GALNT17: variants seen among roughly 807,000 people sequenced by gnomAD.
GALNT17 encodes the protein UDP-GalNAc:polypeptide N-acetylgalactosaminyltransferase-like 3.
In GALNT17, 29 loss-of-function variants were observed where a neutral mutation model predicts 63.7. The observed-to-expected ratio is 0.46, with a 90% CI of 0.34 to 0.62. The LOEUF (loss-of-function observed/expected upper bound fraction) is 0.62. Ranked by LOEUF, GALNT17 falls within the 20% of genes least tolerant of loss-of-function variation. GALNT17 has a pLI of 0.01. For synonymous variants in GALNT17, 305 were observed against 318.3 expected (o/e 0.96, Z 0.45); for missense variants, 603 against 799.6 (o/e 0.75, Z 2.97).
chr7:71,205,082 C>T (rs926430619), intron 1 of GALNT17, among the ~76,000 whole-genome samples: 2 of 151,034 alleles, frequency 1.3e-5, no homozygotes, highest in African/African-American at 2.4e-5. Context: ...TATCAGTGTA[C>T]AGATCTTTTG....
chr7:71,620,772 A>G (rs1790278253), intron 6 of GALNT17, among the ~76,000 whole-genome samples: 1 of 152,242 alleles, frequency 6.6e-6, no homozygotes, highest in African/African-American at 2.4e-5. Context: ...TAATTGTCAG[A>G]AGCATAAAGC....
chr7:71,519,638 A>G (rs1165964775), intron 5 of GALNT17, among the ~76,000 whole-genome samples: 2 of 151,990 alleles, frequency 1.3e-5, no homozygotes, highest in Non-Finnish European at 2.9e-5. Flanking sequence ...TAATTTTTGC[A>G]TTTTTAGTAG....
At chr7:71,276,499 G>A (rs1273879449) in intron 1 of GALNT17, among the ~76,000 whole-genome samples, 3 of 152,150 alleles carry the variant, frequency 2.0e-5, no homozygotes, top group African/African-American at 7.2e-5. Flanking sequence ...TGAATCATGG[G>A]GGTGGGCTTT....
chr7:71,156,824 A>T (rs1216620909), intron 1 of GALNT17, among the ~76,000 whole-genome samples: 3 of 151,412 alleles, frequency 2.0e-5, no homozygotes, highest in Non-Finnish European at 4.4e-5. Flanking sequence ...GGCTCAAGTG[A>T]TCCTCCTGCC....
Position 71,414,953 on chromosome 7 carries a change from C to T in GALNT17, c.590-936C>T, listed in dbSNP as rs1015526066. ...TTAGCCCCTCCTTTTCCTCCCTATA[C>T]CTGGTGATTTTTATGCACACAAAGT... is the stretch of plus-strand genomic sequence containing the variant. On this transcript the variant is annotated intron_variant, in intron 3 of 10. Coordinates refer to ENST00000333538, the MANE Select transcript of GALNT17 (RefSeq NM_022479.3). Among the ~76,000 whole-genome samples, 9 of 152,074 alleles carry T rather than the reference C, an allele frequency of 5.9e-5. No individual in the cohort carries two copies. The East Asian group carries it at 1.4e-3, about 23-fold the overall frequency.
chr7:71,296,851 T>TTA (rs1165968301), intron 1 of GALNT17, among the ~76,000 whole-genome samples: 2 of 152,072 alleles, frequency 1.3e-5, no homozygotes, highest in African/African-American at 4.8e-5. Flanking sequence ...ACACTTAAAT[T>TTA]TATATATATA....
chr7:71,392,061 C>G (rs1281747774), intron 3 of GALNT17, among the ~76,000 whole-genome samples: 1 of 152,138 alleles, frequency 6.6e-6, no homozygotes, highest in Non-Finnish European at 1.5e-5. Context: ...ACATTTCCCA[C>G]CAGGCCTCAC....
chr7:71,540,093 CTTTTTTTTTTT>C (rs71089954), intron 5 of GALNT17, among the ~76,000 whole-genome samples: 11 of 33,518 alleles, frequency 3.3e-4, no homozygotes, highest in African/African-American at 8.0e-4. Context: ...TGTGCCTGGC[CTTTTTTTTTTT>C]TTTTTTTTTT....
intron 1 of GALNT17, among the ~76,000 whole-genome samples, chr7:71,312,505 T>C (rs1019108765): frequency 2.6e-5 from 4 of 152,210 alleles, no homozygotes; most frequent in Non-Finnish European, 4.4e-5. Context: ...AACAAAAGAC[T>C]GTCTGGTTTA....
chr7:71,163,302 G>T (rs56344545), intron 1 of GALNT17, among the ~76,000 whole-genome samples: 40,464 of 152,042 alleles, frequency 0.27, 5,815 homozygotes, highest in Middle Eastern at 0.35. Flanking sequence ...TGGAGATGTT[G>T]TCCAGAGAGT....
At chr7:71,192,957 CT>C (rs1219926804) in intron 1 of GALNT17, among the ~76,000 whole-genome samples, 9 of 151,978 alleles carry the variant, frequency 5.9e-5, no homozygotes, top group Non-Finnish European at 1.0e-4. Context: ...TGCGATCAAC[CT>C]CTCAGGCACT....
rs1026229443 is a variant in GALNT17, at chr7:71,558,317, GT to G, written c.963-12958del. Among the ~76,000 whole-genome samples, 10 of 148,502 alleles carry G rather than the reference GT, an allele frequency of 6.7e-5. No individual in the cohort carries two copies. In the South Asian group the frequency reaches 1.1e-3, roughly 16 times the overall value. ...CAAAATGTAACATTAATGAGTCTAG[GT>G]TTTTTTTTTGGTAATCTGGGTCTAC... On this transcript the variant is annotated intron_variant, in intron 5 of 10. Transcript: ENST00000333538.
intron 6 of GALNT17, among the ~76,000 whole-genome samples, chr7:71,592,552 AGC>A (rs1562703284): frequency 3.7e-5 from 5 of 134,534 alleles, no homozygotes; most frequent in Non-Finnish European, 6.5e-5. Context: ...AAAATAGCAT[AGC>A]ATAGCATACT....
intron 5 of GALNT17, among the ~76,000 whole-genome samples, chr7:71,521,131 A>C (rs1324396551): frequency 1.3e-5 from 2 of 152,188 alleles, no homozygotes; most frequent in African/African-American, 2.4e-5. Flanking sequence ...GTGCACATGC[A>C]CATATGTTTG....
At chr7:71,156,848 G>A (rs535967691) in intron 1 of GALNT17, among the ~76,000 whole-genome samples, 1 of 150,870 alleles carries the variant, frequency 6.6e-6, no homozygotes, top group South Asian at 2.1e-4. Context: ...GCCTCCCAAA[G>A]CGCTGGGATT....
At chr7:71,441,413 G>A (rs1787064764) in intron 5 of GALNT17, among the ~76,000 whole-genome samples, 1 of 151,958 alleles carries the variant, frequency 6.6e-6, no homozygotes, top group Admixed American at 6.6e-5. Context: ...TAACCACCCG[G>A]ACACCATTTC....
chr7:71,411,753 G>T (rs1793433902), intron 3 of GALNT17, among the ~76,000 whole-genome samples: 1 of 152,108 alleles, frequency 6.6e-6, no homozygotes, highest in African/African-American at 2.4e-5. Flanking sequence ...ACTATCAGGG[G>T]CCTTCTGTTT....
chr7:71,298,144 C>T (rs1361392422), intron 1 of GALNT17, among the ~76,000 whole-genome samples: 1 of 152,178 alleles, frequency 6.6e-6, no homozygotes, highest in East Asian at 1.9e-4. Flanking sequence ...CCTCAGCCTC[C>T]TGAGTAGCTG....
chr7:71,405,276 G>T (rs930194179), intron 3 of GALNT17, among the ~76,000 whole-genome samples: 3 of 152,136 alleles, frequency 2.0e-5, no homozygotes, highest in Admixed American at 2.0e-4. Context: ...CTTACAAATG[G>T]TGTGACCTAG....
Sources: gnomAD v4.1 joint callset for allele counts (sites outside exome capture counted in the v4.1 genomes callset) on GRCh38, gnomAD v4.1.1 for gene constraint, MANE v1.5 for transcripts, NCBI Gene and HGNC (gene_info 2026-07-23, HGNC 2026-07-21) for gene names.